The following ASH2L variants were observed in gnomAD, a reference collection of about 807,000 sequenced individuals.
ASH2L encodes the protein ASH2 like, histone lysine methyltransferase complex subunit.
ASH2L carries 30 observed loss-of-function variants against 81.1 expected under a neutral mutation model. The ratio of observed to expected loss-of-function variants is 0.37; its 90% CI spans 0.28 to 0.50. ASH2L has a LOEUF of 0.50. ASH2L is among the 20% of genes least tolerant of loss of function. ASH2L has a pLI of 0.95. For synonymous variants in ASH2L, 273 were observed against 279.9 expected (o/e 0.98, Z 0.24); for missense variants, 559 against 792.1 (o/e 0.71, Z 3.53).
At chr8:38,118,103 C>A (rs931430470) in intron 8 of ASH2L, among the ~76,000 whole-genome samples, 2 of 152,160 alleles carry the variant, frequency 1.3e-5, no homozygotes, top group Non-Finnish European at 2.9e-5. Context: ...GTTACTTAAA[C>A]TAGAGATGAT....
At position 38,105,635 on chromosome 8, in the gene ASH2L, G is replaced by A. The variant is rs1810386162; in HGVS notation, c.85G>A (p.Glu29Lys). 3.1e-6 allele frequency: 5 copies of A among 1,604,206 alleles called. No individual in the cohort carries two copies. The highest frequency in any genetic ancestry group is 4.5e-5 in the East Asian group (2 of 44,390). ...GAVANATGAEEGEMKPVAAGA... is the reference protein window; with the variant it reads ...GAVANATGAEKGEMKPVAAGA... ...GGTCGCAAATGCAACAGGGGCAGAA[G>A]AGGGGGAGATGAAGCCGGTGGCAGC... The change falls in exon 1 of 16, where the codon GAG becomes AAG. Residue 29 changes from glutamate to lysine, a missense_variant. By Grantham distance (56) the Glu-to-Lys change is moderately conservative. This residue lies in a region of ASH2L where 145 missense variants were observed against 115.5 expected (regional missense o/e 1.26). Coordinates refer to ENST00000343823, the MANE Select transcript of ASH2L (RefSeq NM_004674.5).
chr8:38,116,668 C>A lies in ASH2L; in HGVS notation c.796C>A (p.Pro266Thr). 6.2e-7 allele frequency: 1 copy of A among 1,612,896 alleles called. No homozygotes were observed. Among genetic ancestry groups the A allele is most frequent in the South Asian group, 1.1e-5 (1 of 90,958 alleles). Residue 266 changes from proline to threonine, a missense_variant, in exon 8 of 16, where the codon CCT becomes ACT. By Grantham distance (38) the Pro-to-Thr change is conservative. Transcript: ENST00000343823. ...LLDQDLSNIG[P>T]AYDNQKQSSA... is the part of the protein sequence containing the mutation. ...TTTGCAGGACCTTAGTAACATTGGT[C>A]CTGCTTATGACAACCAAAAACAGAG...
chr8:38,131,853 G>T (rs1325535221), intron 12 of ASH2L, among the ~76,000 whole-genome samples: 1 of 150,432 alleles, frequency 6.6e-6, no homozygotes, highest in Non-Finnish European at 1.5e-5. Context: ...TGTTTATCTG[G>T]TGTTTTATTT....
At chr8:38,134,877 G>T (rs1169079539) in intron 13 of ASH2L, among the ~76,000 whole-genome samples, 2 of 152,194 alleles carry the variant, frequency 1.3e-5, no homozygotes, top group Non-Finnish European at 2.9e-5. Context: ...AGGATATTCA[G>T]TGTAATTCTG....
intron 14 of ASH2L, chr8:38,138,141 G>C (rs986524956): frequency 6.6e-6 from 1 of 152,132 alleles, no homozygotes; most frequent in East Asian, 1.9e-4. Flanking sequence ...TTAGCCAGGC[G>C]TGGTGGTACA....
At chr8:38,107,267 A>G (rs1810477308) in intron 3 of ASH2L, 101 bp downstream of exon 3, 26 of 1,455,038 alleles carry the variant, frequency 1.8e-5, no homozygotes, top group Non-Finnish European at 2.3e-5. Flanking sequence ...AGTATTTCCT[A>G]TGTCTCCTAA....
chr8:38,120,740 A>G (rs918187888), intron 9 of ASH2L, among the ~76,000 whole-genome samples, 192 bp from the exon 10 acceptor site: 1 of 151,290 alleles, frequency 6.6e-6, no homozygotes, highest in Non-Finnish European at 1.5e-5. Context: ...ACCTTGCTCA[A>G]TAAAGCTAAT....
chr8:38,106,097 G>A, intron 1 of ASH2L: 4 of 1,525,068 alleles, frequency 2.6e-6, no homozygotes, highest in South Asian at 1.2e-5. Flanking sequence ...GGGTGGGAGA[G>A]CTGCCTCTCT....
chr8:38,105,687 G>T lies in ASH2L; in HGVS notation c.137G>T (p.Gly46Val). The change falls in exon 1 of 16, where the codon GGG (glycine) becomes GTG (valine). Residue 46 changes from glycine to valine, a missense_variant. Physicochemically the swap from Gly to Val is moderately radical, Grantham distance 109 (BLOSUM62 -3). Around this residue, in one of 4 missense-constraint regions of ASH2L, gnomAD observed 145 missense variants for 115.5 expected, o/e 1.26. Transcript: ENST00000343823. ...AAGAAAPPGE[G>V]ISAAPTVEPS... Reference sequence around the variant, plus strand: ...GGAGCAGCCGCTCCTCCTGGAGAGGGGATCTCTGCTGCTCCGACAGTTGAG... The same window carrying T: ...GGAGCAGCCGCTCCTCCTGGAGAGGTGATCTCTGCTGCTCCGACAGTTGAG... 2 of 1,581,804 alleles carry T rather than the reference G, an allele frequency of 1.3e-6. No homozygotes were observed. The highest frequency in any genetic ancestry group is 1.7e-6 in the Non-Finnish European group (2 of 1,165,496).
At position 38,139,115 on chromosome 8, in the gene ASH2L, G is replaced by A. The variant is rs1384648202; in HGVS notation, c.*44G>A. 7.0e-7 allele frequency: 1 copy of A among 1,424,986 alleles called. No individual in the cohort carries two copies. The highest frequency in any genetic ancestry group is 9.5e-7 in the Non-Finnish European group (1 of 1,052,894). The allele number at this position is 1,424,986 out of a possible 1,614,324, so 88.3% of individuals were successfully genotyped here. On this transcript the variant is annotated 3_prime_UTR_variant, in exon 16 of 16. Coordinates refer to ENST00000343823, the MANE Select transcript of ASH2L (RefSeq NM_004674.5). ...TCAAGGACTTTCTGGGAATAATACT[G>A]GGGGTTTTGTTTTTGTTTTTGAACT...
At chr8:38,134,139 T>C (rs1210868881) in intron 13 of ASH2L, among the ~76,000 whole-genome samples, 5 of 151,934 alleles carry the variant, frequency 3.3e-5, no homozygotes, top group African/African-American at 1.2e-4. Context: ...TCGTTAAGAG[T>C]CATCACCACT....
intron 8 of ASH2L, among the ~76,000 whole-genome samples, 156 bp downstream of exon 8, chr8:38,116,881 G>A (rs1431135948): frequency 6.6e-6 from 1 of 152,196 alleles, no homozygotes; most frequent in African/African-American, 2.4e-5. Flanking sequence ...CCAAGGATTT[G>A]GCAGATGGTA....
chr8:38,125,447 C>T (rs1801799464), intron 10 of ASH2L, among the ~76,000 whole-genome samples: 1 of 151,798 alleles, frequency 6.6e-6, no homozygotes. Context: ...ATGAAGAAAC[C>T]CCTTCTCTGC....
At chr8:38,110,576 G>T in intron 4 of ASH2L, 109 bp downstream of exon 4, 1 of 1,235,872 alleles carries the variant, frequency 8.1e-7, no homozygotes. Context: ...TATAAATTCA[G>T]TTGGGGTTTA....
intron 7 of ASH2L, among the ~76,000 whole-genome samples, chr8:38,115,412 T>TG (rs1488890322): frequency 2.0e-5 from 3 of 152,372 alleles, no homozygotes; most frequent in African/African-American, 7.2e-5. Context: ...AAACGAAAAT[T>TG]GCTGTTTTTT....
intron 3 of ASH2L, among the ~76,000 whole-genome samples, chr8:38,108,740 G>A (rs1420377789): frequency 3.3e-5 from 5 of 152,008 alleles, no homozygotes; most frequent in Non-Finnish European, 5.9e-5. Flanking sequence ...ACTTGAACCC[G>A]GGAAGCAGAG....
At chr8:38,106,892 A>G in intron 2 of ASH2L, 129 bp from the exon 3 acceptor site, 1 of 1,025,044 alleles carries the variant, frequency 9.8e-7, no homozygotes, top group Non-Finnish European at 1.4e-6. Flanking sequence ...GCACTTTGGG[A>G]GGCTGAGACC....
At chr8:38,122,557 C>T (rs1008224455) in intron 10 of ASH2L, 2 of 151,954 alleles carry the variant, frequency 1.3e-5, no homozygotes, top group African/African-American at 4.8e-5. Flanking sequence ...GGCGTCATTG[C>T]TTCTAGACTT....
chr8:38,130,606 T>A (rs575649946), intron 12 of ASH2L, among the ~76,000 whole-genome samples: 37 of 152,216 alleles, frequency 2.4e-4, no homozygotes, highest in Non-Finnish European at 4.9e-4. Context: ...GGATTAATTT[T>A]TTTTTTTCTT....
Sources: allele counts gnomAD v4.1 joint callset (sites outside exome capture counted in the v4.1 genomes callset), GRCh38; gene constraint gnomAD v4.1.1; regional missense constraint gnomAD v4.1.1; transcripts MANE v1.5; gene names NCBI Gene and HGNC (gene_info 2026-07-23, HGNC 2026-07-21).